The following YAF2 variants were observed in gnomAD, a reference collection of about 807,000 sequenced individuals.
YAF2 encodes YY1 associated factor 2.
In YAF2, 7 loss-of-function variants were observed where a neutral mutation model predicts 20.1. The observed-to-expected ratio is 0.35, with a 90% CI of 0.20 to 0.65. The LOEUF (loss-of-function observed/expected upper bound fraction) is 0.65. Ranked by LOEUF, YAF2 falls within the 30% of genes least tolerant of loss-of-function variation. The pLI is 0.69. For missense variants in YAF2, 151 were observed against 219.2 expected, an observed-to-expected ratio of 0.69 and a Z score of 1.96; for synonymous variants, 74 against 76.0, an observed-to-expected ratio of 0.97 and a Z score of 0.14.
chr12:42,185,175 CGCAA>C (rs781073465), intron 2 of YAF2, among the ~76,000 whole-genome samples: 26 of 144,078 alleles, frequency 1.8e-4, no homozygotes, highest in Non-Finnish European at 3.4e-4. Flanking sequence ...CAGACTTTGT[CGCAA>C]ACAAACAAAC....
intron 2 of YAF2, among the ~76,000 whole-genome samples, chr12:42,171,510 A>G (rs1009484730): frequency 8.9e-5 from 7 of 78,314 alleles, no homozygotes; most frequent in South Asian, 4.0e-4. Context: ...TCTTTAAATT[A>G]AAAAAAAAAG....
chr12:42,212,557 G>A (rs142753835), intron 2 of YAF2: 6 of 310,582 alleles, frequency 1.9e-5, no homozygotes, highest in African/African-American at 9.0e-5. Context: ...CTGAATAAAT[G>A]AAAGAAAACA....
chr12:42,201,729 G>A (rs955450502), intron 2 of YAF2, among the ~76,000 whole-genome samples: 11 of 151,972 alleles, frequency 7.2e-5, no homozygotes, highest in African/African-American at 1.5e-4. Context: ...GTGCCACCAC[G>A]CCTGGCTAAT....
intron 2 of YAF2, among the ~76,000 whole-genome samples, chr12:42,209,741 T>C (rs1349286807): frequency 6.6e-6 from 1 of 152,186 alleles, no homozygotes; most frequent in South Asian, 2.1e-4. Flanking sequence ...GAATTCAACA[T>C]TTGGCTTCCC....
rs1292243153 is a variant in YAF2, at chr12:42,159,843, C to T, written c.*746G>A. ...AATGTTTTATATGATACAGAAAATA[C>T]CAGTGTTCAATGACAATAGCACTAA... On this transcript the variant is annotated 3_prime_UTR_variant, in exon 4 of 4. Coordinates refer to ENST00000534854, the MANE Select transcript of YAF2 (RefSeq NM_005748.6). 1 of 152,312 alleles carries T rather than the reference C, an allele frequency of 6.6e-6. No homozygotes were observed. Among genetic ancestry groups the T allele is most frequent in the African/African-American group, 2.4e-5 (1 of 41,370 alleles). The allele number at this position is 152,312 out of a possible 1,614,324, so 9.4% of individuals were successfully genotyped here.
intron 2 of YAF2, among the ~76,000 whole-genome samples, chr12:42,219,902 A>T (rs935132487): frequency 6.6e-6 from 1 of 152,208 alleles, no homozygotes; most frequent in Non-Finnish European, 1.5e-5. Flanking sequence ...TTTGATAGCA[A>T]CATCCTACAT....
At chr12:42,183,618 A>C (rs1257919847) in intron 2 of YAF2, among the ~76,000 whole-genome samples, 1 of 152,224 alleles carries the variant, frequency 6.6e-6, no homozygotes, top group Non-Finnish European at 1.5e-5. Context: ...CCATTCTATG[A>C]AGGCTGAAAG....
chr12:42,237,587 C>G lies in YAF2; in HGVS notation c.152+12G>C. 1 of 1,527,554 alleles carries G rather than the reference C, an allele frequency of 6.5e-7. No individual in the cohort carries two copies. Among genetic ancestry groups the G allele is most frequent in the Non-Finnish European group, 8.8e-7 (1 of 1,136,100 alleles). 94.6% of individuals were successfully genotyped at this position (1,527,554 alleles called of 1,614,324 possible). ...GCCGGCCGGCGGCGCGAGGGGCAGG[C>G]CCGGGACTCACCGGGTGGAGGTGCC... On this transcript the variant is annotated intron_variant, in intron 2 of 3. Transcript: ENST00000534854.
intron 2 of YAF2, among the ~76,000 whole-genome samples, chr12:42,187,201 G>A (rs1287295947): frequency 6.6e-6 from 1 of 151,926 alleles, no homozygotes; most frequent in Non-Finnish European, 1.5e-5. Context: ...GTGTCACCCA[G>A]GCTGGAGTGC....
intron 2 of YAF2, among the ~76,000 whole-genome samples, chr12:42,171,887 C>A (rs1365457438): frequency 6.6e-6 from 1 of 152,060 alleles, no homozygotes; most frequent in Non-Finnish European, 1.5e-5. Context: ...TCACCTGAAC[C>A]TGGGAGGTTG....
chr12:42,229,811 C>G (rs1486102373), intron 2 of YAF2, among the ~76,000 whole-genome samples: 1 of 152,150 alleles, frequency 6.6e-6, no homozygotes, highest in Non-Finnish European at 1.5e-5. Flanking sequence ...TGTATCTAAA[C>G]ATAGAAAAAG....
At chr12:42,204,842 C>T (rs1315039068) in intron 2 of YAF2, among the ~76,000 whole-genome samples, 3 of 152,034 alleles carry the variant, frequency 2.0e-5, no homozygotes, top group Non-Finnish European at 4.4e-5. Flanking sequence ...TTGTATAATT[C>T]CATTTTATGA....
At chr12:42,182,667 A>G (rs1276395974) in intron 2 of YAF2, among the ~76,000 whole-genome samples, 2 of 152,232 alleles carry the variant, frequency 1.3e-5, no homozygotes, top group African/African-American at 4.8e-5. Flanking sequence ...CCCACACTCA[A>G]TGAGGTCAGA....
intron 2 of YAF2, among the ~76,000 whole-genome samples, chr12:42,209,637 T>C (rs1305808727): frequency 4.0e-5 from 6 of 150,692 alleles, no homozygotes; most frequent in Non-Finnish European, 7.4e-5. Context: ...AGTACTACTG[T>C]GCCAAAAGAA....
intron 2 of YAF2, 57 bp downstream of exon 2, chr12:42,237,542 C>T: frequency 6.8e-7 from 1 of 1,461,706 alleles, no homozygotes; most frequent in Non-Finnish European, 9.1e-7. Context: ...GCCGCAAGGG[C>T]GTCCTCTGGT....
chr12:42,235,116 G>A (rs994113101), intron 2 of YAF2: 32 of 985,782 alleles, frequency 3.2e-5, no homozygotes, highest in Non-Finnish European at 3.7e-5. Flanking sequence ...ATTTGGCAAT[G>A]AGGCAGAATC....
In YAF2 at chr12:42,159,075, CAATT is replaced by C. The variant is rs2065751389; in HGVS notation, c.*1510_*1513del. On this transcript the variant is annotated 3_prime_UTR_variant, in exon 4 of 4. Coordinates refer to ENST00000534854, the MANE Select transcript of YAF2 (RefSeq NM_005748.6). ...TTTAATCACAGACTTTTACTGTATG[CAATT>C]AATTGTATTTCACAACTAGCATCTT... 1 of 152,018 alleles carries C rather than the reference CAATT, an allele frequency of 6.6e-6. No individual in the cohort carries two copies. Among genetic ancestry groups the C allele is most frequent in the Non-Finnish European group, 1.5e-5 (1 of 67,948 alleles). The allele number at this position is 152,018 out of a possible 1,614,324, so 9.4% of individuals were successfully genotyped here. A position where few individuals can be genotyped will look rare whatever the true frequency, so the allele number is the denominator to read the frequency against.
intron 2 of YAF2, among the ~76,000 whole-genome samples, chr12:42,224,349 G>A (rs1271512152): frequency 6.6e-6 from 1 of 151,990 alleles, no homozygotes; most frequent in Non-Finnish European, 1.5e-5. Context: ...TCATTCAACA[G>A]AAAATAATTT....
chr12:42,233,899 AGT>A (rs1399353512), intron 2 of YAF2: 1 of 984,994 alleles, frequency 1.0e-6, no homozygotes, highest in Non-Finnish European at 1.2e-6. Context: ...GGCTGGGCAC[AGT>A]GTCTCACTCC....
Sources: gnomAD v4.1 joint callset for allele counts (sites outside exome capture counted in the v4.1 genomes callset) on GRCh38, gnomAD v4.1.1 for gene constraint, MANE v1.5 for transcripts, NCBI Gene and HGNC (gene_info 2026-07-23, HGNC 2026-07-21) for gene names.